The following NLGN1 variants were observed in gnomAD, a reference collection of about 807,000 sequenced individuals.
The protein encoded by NLGN1 is neuroligin-1.
A neutral mutation model predicts 65.5 loss-of-function variants in NLGN1; 12 were observed. The observed-to-expected ratio is 0.18, with a 90% CI of 0.12 to 0.30. NLGN1 has a LOEUF of 0.30. Among genes scored for constraint, NLGN1 ranks in the 10% least tolerant of loss-of-function variants. The probability of loss-of-function intolerance (pLI) is 1.00; values close to 1 mark genes in which losing one functional copy is unlikely to be tolerated. For missense variants in NLGN1, 750 were observed against 1,007.1 expected, an observed-to-expected ratio of 0.74 and a Z score of 3.46; for synonymous variants, 350 against 359.5, an observed-to-expected ratio of 0.97 and a Z score of 0.30.
intron 2 of NLGN1, among the ~76,000 whole-genome samples, chr3:173,558,601 G>C (rs1282196706): frequency 3.3e-5 from 5 of 152,086 alleles, no homozygotes; most frequent in African/African-American, 9.7e-5. Flanking sequence ...AGTTCATCTA[G>C]TGAATTATTT....
chr3:173,689,011 C>T (rs1190069877), intron 3 of NLGN1, among the ~76,000 whole-genome samples: 1 of 152,136 alleles, frequency 6.6e-6, no homozygotes, highest in African/African-American at 2.4e-5. Flanking sequence ...TGGCTAACAT[C>T]TGCCGCTAAT....
intron 4 of NLGN1, among the ~76,000 whole-genome samples, chr3:174,127,512 CCTT>C (rs1235944743): frequency 1.3e-5 from 2 of 152,032 alleles, no homozygotes; most frequent in African/African-American, 2.4e-5. Flanking sequence ...AATACTCCCT[CCTT>C]CTTCCCATAT....
intron 4 of NLGN1, among the ~76,000 whole-genome samples, chr3:174,118,992 A>G (rs1717171554): frequency 6.6e-6 from 1 of 152,160 alleles, no homozygotes; most frequent in Non-Finnish European, 1.5e-5. Context: ...TTGGTATTCT[A>G]TCTCTAGCTA....
chr3:173,603,324 T>C (rs1457083227), intron 2 of NLGN1, among the ~76,000 whole-genome samples: 4 of 152,162 alleles, frequency 2.6e-5, no homozygotes, highest in Non-Finnish European at 4.4e-5. Context: ...TTTAGTCTGA[T>C]GCAGTTTAAG....
chr3:173,786,301 T>C (rs16830473), intron 3 of NLGN1, among the ~76,000 whole-genome samples: 21,332 of 152,098 alleles, frequency 0.14, 2,128 homozygotes, highest in African/African-American at 0.29. Flanking sequence ...AATATCCCTA[T>C]GTGTTCAGTT....
chr3:173,955,789 G>A lies in NLGN1; in HGVS notation c.646+147957G>A, dbSNP rs372310204. On this transcript the variant is annotated intron_variant, in intron 4 of 6. Coordinates refer to ENST00000457714, the Ensembl canonical transcript of NLGN1. ...TTGTTTCTTCTTTAACTGCCAAGAT[G>A]TAATCTAATGATGAGAGAAAGGACC... 1.2e-3 allele frequency among the ~76,000 whole-genome samples: 179 copies of A among 152,148 alleles called. 1 individual carries two copies. Among genetic ancestry groups the A allele is most frequent in the African/African-American group, 4.1e-3 (171 of 41,550 alleles).
chr3:174,121,846 G>A (rs73046205), intron 4 of NLGN1, among the ~76,000 whole-genome samples: 1 of 152,226 alleles, frequency 6.6e-6, no homozygotes, highest in African/African-American at 2.4e-5. Flanking sequence ...CAGAACATAT[G>A]TTTCTAATTT....
chr3:174,243,555 C>T (rs1376750137), intron 4 of NLGN1, among the ~76,000 whole-genome samples: 2 of 152,022 alleles, frequency 1.3e-5, no homozygotes, highest in African/African-American at 4.8e-5. Context: ...TTAAAAATTC[C>T]CCTATGTAAT....
At chr3:173,926,136 C>G (rs538797828) in intron 4 of NLGN1, among the ~76,000 whole-genome samples, 1 of 151,556 alleles carries the variant, frequency 6.6e-6, no homozygotes, top group South Asian at 2.1e-4. Context: ...TTTTAAAATA[C>G]TTTTTTATTA....
chr3:174,011,284 T>G (rs1725506011), intron 4 of NLGN1, among the ~76,000 whole-genome samples: 1 of 152,160 alleles, frequency 6.6e-6, no homozygotes, highest in African/African-American at 2.4e-5. Flanking sequence ...GGCTTTAGTG[T>G]TTGTTGGCTT....
At chr3:174,234,635 G>T (rs192985908) in intron 4 of NLGN1, among the ~76,000 whole-genome samples, 2 of 152,096 alleles carry the variant, frequency 1.3e-5, no homozygotes, top group Non-Finnish European at 2.9e-5. Flanking sequence ...CTTGGAGCTG[G>T]CTGCAAGCAA....
In NLGN1 at chr3:174,279,681, A is replaced by T. The variant is rs1751228458; in HGVS notation, c.1649+31A>T. Reference sequence around the variant, plus strand: ...TACCTAAGGAATGAAGTTTATTTTTAATAAAAATGTTATTTTAACCATTTT... The same window carrying T: ...TACCTAAGGAATGAAGTTTATTTTTTATAAAAATGTTATTTTAACCATTTT... On this transcript the variant is annotated intron_variant, in intron 6 of 6. Transcript: ENST00000457714. The surrounding 1 kb of genome is among the most constrained non-coding windows in gnomAD (Gnocchi z 4.7). 2.3e-6 allele frequency: 3 copies of T among 1,320,560 alleles called. No individual in the cohort carries two copies. Among genetic ancestry groups the T allele is most frequent in the Admixed American group, 2.2e-5 (1 of 44,822 alleles). The allele number at this position is 1,320,560 out of a possible 1,614,324, so 81.8% of individuals were successfully genotyped here.
intron 2 of NLGN1, among the ~76,000 whole-genome samples, chr3:173,475,168 C>G (rs1040354898): frequency 6.6e-6 from 1 of 152,110 alleles, no homozygotes; most frequent in African/African-American, 2.4e-5. Context: ...CTCATCACCT[C>G]TGTAATTACT....
At chr3:173,509,156 A>ACCAC (rs1732518922) in intron 2 of NLGN1, among the ~76,000 whole-genome samples, 1 of 152,070 alleles carries the variant, frequency 6.6e-6, no homozygotes, top group Non-Finnish European at 1.5e-5. Flanking sequence ...CTCCTTTTCC[A>ACCAC]CCACCCACCC....
intron 4 of NLGN1, among the ~76,000 whole-genome samples, chr3:173,913,749 C>T (rs1359649916): frequency 2.0e-5 from 3 of 152,200 alleles, no homozygotes; most frequent in African/African-American, 7.2e-5. Context: ...TTACACTCTT[C>T]TTACCTCAAC....
intron 4 of NLGN1, among the ~76,000 whole-genome samples, chr3:173,968,663 C>A (rs13065044): frequency 0.21 from 31,401 of 147,540 alleles, 3,905 homozygotes; most frequent in East Asian, 0.34. Context: ...CCTTCTCTAA[C>A]ACCCCACAAT....
chr3:173,799,602 C>T (rs1313473865), intron 3 of NLGN1, among the ~76,000 whole-genome samples: 1 of 151,940 alleles, frequency 6.6e-6, no homozygotes, highest in Non-Finnish European at 1.5e-5. Context: ...CTGACTTCTA[C>T]TGATCGAACT....
chr3:173,488,744 A>T (rs892840781), intron 2 of NLGN1, among the ~76,000 whole-genome samples: 1 of 151,570 alleles, frequency 6.6e-6, no homozygotes, highest in Non-Finnish European at 1.5e-5. Context: ...CTAAGGTTTG[A>T]TCTTATTTAT....
chr3:173,887,318 A>T (rs1406379006), intron 4 of NLGN1, among the ~76,000 whole-genome samples: 2 of 152,030 alleles, frequency 1.3e-5, no homozygotes, highest in Non-Finnish European at 2.9e-5. Flanking sequence ...CAGAGTTTAG[A>T]TTGCATATGT....
Sources: gnomAD v4.1 joint callset for allele counts (sites outside exome capture counted in the v4.1 genomes callset) on GRCh38, gnomAD v4.1.1 for gene constraint, Gnocchi (gnomAD v3.1) non-coding constraint, MANE v1.5 for transcripts, NCBI Gene and HGNC (gene_info 2026-07-23, HGNC 2026-07-21) for gene names.